The following SLC12A6 variants were observed in gnomAD, a reference collection of about 807,000 sequenced individuals.
SLC12A6 encodes the protein K-Cl cotransporter 3.
A neutral mutation model predicts 135.3 loss-of-function variants in SLC12A6; 66 were observed. The observed-to-expected ratio is 0.49, with a 90% confidence interval of 0.40 to 0.60. The LOEUF is 0.60. Ranked by LOEUF, SLC12A6 falls within the 20% of genes least tolerant of loss-of-function variation. The probability of loss-of-function intolerance (pLI) is 0.00; values close to 1 mark genes in which losing one functional copy is unlikely to be tolerated. For missense variants in SLC12A6, 1,058 were observed against 1,452.3 expected (o/e 0.73, Z 4.41); for synonymous variants, 513 against 508.8 (o/e 1.01, Z -0.11).
Position 34,254,403 on chromosome 15 carries a change from T to C in SLC12A6, c.1063A>G (p.Ile355Val). ...SLFLACVIVS[I>V]LAIYAGAIKS... Reference sequence around the variant, plus strand: ...ATGGCTCCAGCATAGATGGCCAAGATGGACACAATGACACAGGCCAGGAAA... The same window carrying C: ...ATGGCTCCAGCATAGATGGCCAAGACGGACACAATGACACAGGCCAGGAAA... The change falls in exon 9 of 26, where the codon ATC becomes GTC. Residue 355 changes from isoleucine (I) to valine (V), a missense_variant. Around this residue, in one of 6 missense-constraint regions of SLC12A6, gnomAD observed 297 missense variants for 318.5 expected, o/e 0.93. Coordinates refer to ENST00000354181, the MANE Select transcript of SLC12A6 (RefSeq NM_001365088.1). The C allele has an allele frequency of 1.2e-6, 2 of 1,613,622 alleles. No individual in the cohort carries two copies. The highest frequency in any genetic ancestry group is 1.7e-6 in the Non-Finnish European group (2 of 1,179,550).
intron 9 of SLC12A6, among the ~76,000 whole-genome samples, chr15:34,252,803 T>C (rs1346425981): frequency 6.6e-6 from 1 of 152,236 alleles, no homozygotes; most frequent in Non-Finnish European, 1.5e-5. Flanking sequence ...TCTAAAAGAA[T>C]ACTGAAGTCC....
chr15:34,274,440 G>T (rs1164967433), intron 3 of SLC12A6, among the ~76,000 whole-genome samples: 1 of 152,148 alleles, frequency 6.6e-6, no homozygotes, highest in African/African-American at 2.4e-5. Flanking sequence ...CTTTATATAT[G>T]CCTTTTGTTT....
intron 3 of SLC12A6, among the ~76,000 whole-genome samples, chr15:34,275,100 G>A (rs984941638): frequency 1.3e-5 from 2 of 152,068 alleles, no homozygotes; most frequent in South Asian, 4.1e-4. Context: ...CTAGTTCTTA[G>A]ATTTTTTTTA....
At chr15:34,324,917 T>C (rs1170054473) in intron 2 of SLC12A6, among the ~76,000 whole-genome samples, 2 of 152,024 alleles carry the variant, frequency 1.3e-5, no homozygotes, top group Admixed American at 6.6e-5. Flanking sequence ...ATAGTAAAAA[T>C]GAATTACTAG....
chr15:34,335,718 T>C (rs908051785), intron 2 of SLC12A6, among the ~76,000 whole-genome samples: 2 of 152,178 alleles, frequency 1.3e-5, no homozygotes, highest in African/African-American at 2.4e-5. Flanking sequence ...GCAGTCAACA[T>C]GAGCCAGGAG....
intron 13 of SLC12A6, among the ~76,000 whole-genome samples, chr15:34,246,750 G>A (rs779200463): frequency 8.6e-5 from 13 of 151,984 alleles, no homozygotes; most frequent in African/African-American, 2.2e-4. Flanking sequence ...TGGCTCAGGC[G>A]ATGCTCCTGC....
chr15:34,322,162 G>A (rs763834708), intron 2 of SLC12A6, among the ~76,000 whole-genome samples: 9 of 152,102 alleles, frequency 5.9e-5, no homozygotes, highest in Admixed American at 5.2e-4. Flanking sequence ...GAGGTGGACG[G>A]ATCACCCGAG....
intron 9 of SLC12A6, 136 bp from the exon 10 acceptor site, chr15:34,252,520 GTTTA>G (rs1892465657): frequency 1.6e-6 from 1 of 641,140 alleles, no homozygotes; most frequent in Non-Finnish European, 2.8e-6. Context: ...AGGAACTAAT[GTTTA>G]TTTATTTATA....
intron 13 of SLC12A6, among the ~76,000 whole-genome samples, chr15:34,248,150 G>C (rs1892129252): frequency 6.6e-6 from 1 of 152,116 alleles, no homozygotes; most frequent in Non-Finnish European, 1.5e-5. Flanking sequence ...GACTTACTTT[G>C]CTGTATGGCT....
At chr15:34,303,563 C>T (rs928715508) in intron 2 of SLC12A6, among the ~76,000 whole-genome samples, 24 of 152,228 alleles carry the variant, frequency 1.6e-4, no homozygotes, top group African/African-American at 5.3e-4. Context: ...ACAGACCTGC[C>T]ATGGTTTGAA....
At chr15:34,254,110 G>GT (rs1376425824) in intron 9 of SLC12A6, among the ~76,000 whole-genome samples, 13 of 152,186 alleles carry the variant, frequency 8.5e-5, no homozygotes, top group Non-Finnish European at 1.9e-4. Flanking sequence ...TCTAATATCT[G>GT]AACCTAAATG....
chr15:34,302,127 T>C (rs554864765), intron 2 of SLC12A6, among the ~76,000 whole-genome samples: 4 of 152,336 alleles, frequency 2.6e-5, no homozygotes, highest in Admixed American at 2.6e-4. Flanking sequence ...CTATAACTTA[T>C]ACAACCTATG....
chr15:34,243,175 A>G (rs1160179632), intron 16 of SLC12A6, among the ~76,000 whole-genome samples: 1 of 151,572 alleles, frequency 6.6e-6, no homozygotes, highest in Non-Finnish European at 1.5e-5. Flanking sequence ...TACAGGCATG[A>G]GCCACCACGC....
intron 2 of SLC12A6, among the ~76,000 whole-genome samples, chr15:34,324,526 A>G (rs1252555554): frequency 6.6e-6 from 1 of 152,218 alleles, no homozygotes; most frequent in Non-Finnish European, 1.5e-5. Flanking sequence ...ATTTTGGGGT[A>G]GTATTTTGAT....
Position 34,296,488 on chromosome 15 carries a change from T to C in SLC12A6, c.272-21099A>G, listed in dbSNP as rs143945656. Among the ~76,000 whole-genome samples the C allele has an allele frequency of 4.2e-4, 64 of 152,332 alleles. No homozygotes were observed. In the East Asian group the frequency reaches 0.012, roughly 28 times the overall value. On this transcript the variant is annotated intron_variant, in intron 2 of 25. Coordinates refer to ENST00000354181, the MANE Select transcript of SLC12A6 (RefSeq NM_001365088.1). ...GGATTCTGATTTGTCTACTATATCA[T>C]ACTGGTTGTTCCTAAAATTTAGGTA... is the stretch of plus-strand genomic sequence containing the variant.
At chr15:34,237,292 T>TG (rs1455966464) in intron 22 of SLC12A6, 127 bp downstream of exon 22, 20 of 742,360 alleles carry the variant, frequency 2.7e-5, no homozygotes, top group South Asian at 1.0e-4. Context: ...TTTTTGTTTT[T>TG]TTTTTGGCAC....
intron 2 of SLC12A6, among the ~76,000 whole-genome samples, chr15:34,323,665 T>G (rs970602657): frequency 8.5e-5 from 13 of 152,246 alleles, no homozygotes; most frequent in African/African-American, 2.9e-4. Flanking sequence ...AAAAGACTGT[T>G]GGCATCCAGG....
At chr15:34,274,693 G>C (rs1894181006) in intron 3 of SLC12A6, among the ~76,000 whole-genome samples, 1 of 151,982 alleles carries the variant, frequency 6.6e-6, no homozygotes, top group Non-Finnish European at 1.5e-5. Context: ...GGCGCCTGTA[G>C]TCCCAGCTAC....
In SLC12A6 at chr15:34,274,404, G is replaced by T. The variant is rs1395399073; in HGVS notation, c.316+941C>A. ...ACTTTTAAGAGGTGGAAATGAGGTGGTAAGAAGAAGAGATACTTTTACTTT... is the reference window on the plus strand; with the variant it reads ...ACTTTTAAGAGGTGGAAATGAGGTGTTAAGAAGAAGAGATACTTTTACTTT... On this transcript the variant is annotated intron_variant, in intron 3 of 25. Transcript: ENST00000354181. Among the ~76,000 whole-genome samples the T allele has an allele frequency of 2.6e-5, 4 of 152,320 alleles. No individual in the cohort carries two copies. In the East Asian group the frequency reaches 7.7e-4, roughly 29 times the overall value.
Sources: gnomAD v4.1 joint callset for allele counts (sites outside exome capture counted in the v4.1 genomes callset) on GRCh38, gnomAD v4.1.1 for gene constraint, gnomAD v4.1.1 regional missense constraint, MANE v1.5 for transcripts, NCBI Gene and HGNC (gene_info 2026-07-23, HGNC 2026-07-21) for gene names.